The following STARD3NL variants were observed in gnomAD, a reference collection of about 807,000 sequenced individuals.
STARD3NL encodes the protein STARD3 N-terminal like.
STARD3NL carries 17 observed loss-of-function variants against 30.9 expected under a neutral mutation model. The ratio of observed to expected loss-of-function variants is 0.55; its 90% CI spans 0.38 to 0.82. STARD3NL has a LOEUF of 0.82. Among genes scored for constraint, STARD3NL ranks in the 40% least tolerant of loss-of-function variants. The pLI is 0.00. For missense variants in STARD3NL, 234 were observed against 277.6 expected (o/e 0.84, Z 1.12); for synonymous variants, 112 against 100.5 (o/e 1.11, Z -0.69).
At chr7:38,220,554 G>C (rs1257076806) in intron 7 of STARD3NL, among the ~76,000 whole-genome samples, 1 of 152,174 alleles carries the variant, frequency 6.6e-6, no homozygotes, top group Non-Finnish European at 1.5e-5. Context: ...ATGTAAAATG[G>C]TATAGCCCCA....
chr7:38,212,104 G>C (rs1785842378), intron 2 of STARD3NL, among the ~76,000 whole-genome samples: 1 of 152,156 alleles, frequency 6.6e-6, no homozygotes, highest in Non-Finnish European at 1.5e-5. Flanking sequence ...ACAGTAGCCA[G>C]GGTAACCTGT....
At position 38,217,261 on chromosome 7, in the gene STARD3NL, T is replaced by A; in HGVS notation, c.509T>A (p.Phe170Tyr). Residue 170 changes from phenylalanine (F) to tyrosine (Y), a missense_variant, in exon 6 of 9, where the codon TTC (phenylalanine) becomes TAC (tyrosine). Phe to Tyr is a conservative substitution (Grantham distance 22). Coordinates refer to ENST00000009041, the MANE Select transcript of STARD3NL (RefSeq NM_032016.4). The part of the protein sequence containing the change: ...SFILAWIETW[F>Y]LDFKVLPQEA... ...ATCCTTGCCTGGATTGAGACGTGGT[T>A]CCTGGATTTCAAAGTGTTACCTCAA... 3 of 1,614,046 alleles carry A rather than the reference T, an allele frequency of 1.9e-6. No homozygotes were observed. The highest frequency in any genetic ancestry group is 2.5e-6 in the Non-Finnish European group (3 of 1,179,950).
chr7:38,208,233 T>C (rs1785601153), intron 2 of STARD3NL, among the ~76,000 whole-genome samples: 1 of 152,242 alleles, frequency 6.6e-6, no homozygotes, highest in African/African-American at 2.4e-5. Context: ...GAATATGTTT[T>C]AGATGTTTCA....
intron 1 of STARD3NL, among the ~76,000 whole-genome samples, chr7:38,197,136 T>TTTTCTTTCCTTCTTTC (rs1784939078): frequency 8.9e-6 from 1 of 112,276 alleles, no homozygotes; most frequent in African/African-American, 3.4e-5. Flanking sequence ...GCATTACCTT[T>TTTTCTTTCCTTCTTTC]TTTCTTTCTT....
At chr7:38,209,273 G>C (rs550604767) in intron 2 of STARD3NL, among the ~76,000 whole-genome samples, 10 of 151,904 alleles carry the variant, frequency 6.6e-5, no homozygotes, top group Admixed American at 1.3e-4. Flanking sequence ...GAGATGAAAA[G>C]GAAATGCGTC....
intron 1 of STARD3NL, among the ~76,000 whole-genome samples, chr7:38,180,599 T>C (rs1446783387): frequency 1.3e-5 from 2 of 152,236 alleles, no homozygotes; most frequent in Non-Finnish European, 2.9e-5. Flanking sequence ...TAAGCCTTTT[T>C]GATAGTGAGG....
chr7:38,179,935 G>C (rs188800096), intron 1 of STARD3NL, among the ~76,000 whole-genome samples: 17 of 152,338 alleles, frequency 1.1e-4, no homozygotes, highest in East Asian at 7.7e-4. Flanking sequence ...AACTTGGCAT[G>C]TTCCAGGGAC....
At chr7:38,216,118 T>C (rs151153381) in intron 4 of STARD3NL, 39 of 152,340 alleles carry the variant, frequency 2.6e-4, no homozygotes, top group African/African-American at 8.9e-4. Context: ...ACAGATCCCT[T>C]TGGGATGTTG....
chr7:38,204,988 T>C (rs1785377582), intron 1 of STARD3NL, among the ~76,000 whole-genome samples: 1 of 152,190 alleles, frequency 6.6e-6, no homozygotes, highest in Non-Finnish European at 1.5e-5. Context: ...ATTGAGGCAA[T>C]AATTAATAGC....
chr7:38,186,104 C>G (rs1784446652), intron 1 of STARD3NL, among the ~76,000 whole-genome samples: 1 of 152,132 alleles, frequency 6.6e-6, no homozygotes, highest in South Asian at 2.1e-4. Flanking sequence ...TAATATGACT[C>G]TTGACTCCTC....
chr7:38,213,631 A>G (rs968477598), intron 2 of STARD3NL, among the ~76,000 whole-genome samples: 2 of 152,150 alleles, frequency 1.3e-5, no homozygotes, highest in African/African-American at 2.4e-5. Flanking sequence ...TGGGTGCTGC[A>G]TTAGCTGCCG....
At chr7:38,217,326 G>A (rs201756654) in intron 6 of STARD3NL, 21 bp downstream of exon 6, 132 of 1,610,282 alleles carry the variant, frequency 8.2e-5, no homozygotes, top group Non-Finnish European at 1.0e-4. Context: ...CTCAAAGTCA[G>A]CCTCCTGAGG....
At chr7:38,191,021 T>C (rs1177425630) in intron 1 of STARD3NL, among the ~76,000 whole-genome samples, 3 of 152,192 alleles carry the variant, frequency 2.0e-5, no homozygotes, top group African/African-American at 7.2e-5. Context: ...AGATGGTGAC[T>C]GCCAGATCTC....
At chr7:38,204,385 A>G (rs1785339708) in intron 1 of STARD3NL, among the ~76,000 whole-genome samples, 2 of 152,234 alleles carry the variant, frequency 1.3e-5, no homozygotes, top group African/African-American at 4.8e-5. Flanking sequence ...CTGAATGACT[A>G]CTGGGTACAT....
intron 1 of STARD3NL, among the ~76,000 whole-genome samples, chr7:38,179,608 A>T (rs1784166006): frequency 6.6e-6 from 1 of 152,202 alleles, no homozygotes; most frequent in African/African-American, 2.4e-5. Context: ...TAGGTTTTAG[A>T]GATTGAGTAG....
chr7:38,224,232 T>C (rs1011652533), intron 7 of STARD3NL, among the ~76,000 whole-genome samples: 5 of 152,242 alleles, frequency 3.3e-5, no homozygotes, highest in African/African-American at 1.2e-4. Flanking sequence ...TTTCCACCTT[T>C]TGGTTATTAT....
Position 38,207,694 on chromosome 7 carries a change from T to G in STARD3NL, c.190T>G (p.Leu64Val), listed in dbSNP as rs766953026. The change falls in exon 2 of 9, where the codon TTA becomes GTA. Residue 64 changes from leucine to valine, a missense_variant. Transcript: ENST00000009041. ...CTGTTTGTTTGTCACCTTTGACCTC[T>G]TATTCGTAACATTACTGTGGATAAT... ...TFCLFVTFDL[L>V]FVTLLWIIEL... 2.2e-5 allele frequency: 36 copies of G among 1,614,108 alleles called. No individual in the cohort carries two copies. The highest frequency in any genetic ancestry group is 2.4e-5 in the Non-Finnish European group (28 of 1,179,956).
At position 38,212,673 on chromosome 7, in the gene STARD3NL, G is replaced by A. The variant is rs146980500; in HGVS notation, c.226-1684G>A. On this transcript the variant is annotated intron_variant, in intron 2 of 8. Coordinates refer to ENST00000009041, the MANE Select transcript of STARD3NL (RefSeq NM_032016.4). ...AGATTGGCAGTAAGAACATGAATTC[G>A]GAAGCTGTTGCAGGAATGTCATGGA... Among the ~76,000 whole-genome samples the A allele has an allele frequency of 3.0e-3, 462 of 152,246 alleles. 1 individual carries two copies. The highest frequency in any genetic ancestry group is 0.011 in the African/African-American group (437 of 41,534).
At chr7:38,222,433 A>T (rs971299265) in intron 7 of STARD3NL, among the ~76,000 whole-genome samples, 3 of 152,234 alleles carry the variant, frequency 2.0e-5, no homozygotes, top group Non-Finnish European at 4.4e-5. Flanking sequence ...CCTCATAAGG[A>T]TTATTTCATT....
Sources: allele counts gnomAD v4.1 joint callset (sites outside exome capture counted in the v4.1 genomes callset), GRCh38; gene constraint gnomAD v4.1.1; transcripts MANE v1.5; gene names NCBI Gene and HGNC (gene_info 2026-07-23, HGNC 2026-07-21).